Variants in SIPA1L1 observed in about 807,000 individuals in gnomAD.
SIPA1L1 encodes signal-induced proliferation-associated 1-like protein 1.
A neutral mutation model predicts 162.7 loss-of-function variants in SIPA1L1; 26 were observed. That is an observed-to-expected ratio of 0.16 (90% CI 0.12 to 0.22). The LOEUF (loss-of-function observed/expected upper bound fraction) is 0.22. Ranked by LOEUF, SIPA1L1 falls within the 10% of genes least tolerant of loss-of-function variation. The probability of loss-of-function intolerance (pLI) is 1.00; values close to 1 mark genes in which losing one functional copy is unlikely to be tolerated. For synonymous variants in SIPA1L1, 829 were observed against 837.4 expected (o/e 0.99, Z 0.17); for missense variants, 1,874 against 2,241.0 (o/e 0.84, Z 3.31).
chr14:71,511,174 T>C (rs2051116119), intron 2 of SIPA1L1, among the ~76,000 whole-genome samples: 1 of 152,220 alleles, frequency 6.6e-6, no homozygotes, highest in South Asian at 2.1e-4. Flanking sequence ...CCATGTTGCC[T>C]AGTGTGACAT....
chr14:71,574,679 A>G (rs1339566823), intron 4 of SIPA1L1: 1 of 144,352 alleles, frequency 6.9e-6, no homozygotes, highest in Non-Finnish European at 1.5e-5. Flanking sequence ...GATTTATTTT[A>G]CTTTGTCACA....
chr14:71,578,301 C>G (rs1366975668), intron 4 of SIPA1L1, among the ~76,000 whole-genome samples: 1 of 152,166 alleles, frequency 6.6e-6, no homozygotes, highest in African/African-American at 2.4e-5. Context: ...CTCCTGAGCT[C>G]AAGTGATCCT....
intron 2 of SIPA1L1, among the ~76,000 whole-genome samples, chr14:71,394,805 C>T (rs765213174): frequency 3.9e-5 from 6 of 152,136 alleles, no homozygotes; most frequent in East Asian, 1.9e-4. Context: ...CTACTGACTT[C>T]GCCTGATGGA....
chr14:71,716,074 A>G (rs1297658296), intron 17 of SIPA1L1, among the ~76,000 whole-genome samples: 1 of 152,116 alleles, frequency 6.6e-6, no homozygotes, highest in Non-Finnish European at 1.5e-5. Flanking sequence ...CCTTTTATAG[A>G]TGGACAATTT....
At chr14:71,559,420 T>C (rs886194153) in intron 4 of SIPA1L1, among the ~76,000 whole-genome samples, 2 of 152,194 alleles carry the variant, frequency 1.3e-5, no homozygotes, top group African/African-American at 2.4e-5. Flanking sequence ...TTCCAACTTT[T>C]CTTAATAATA....
rs2033568497 is a variant in SIPA1L1 at position 71,579,218 on chromosome 14, G to A, written c.-302-8353G>A. Among the ~76,000 whole-genome samples, 6 of 152,188 alleles carry A rather than the reference G, an allele frequency of 3.9e-5. No homozygotes were observed. In the South Asian group the frequency reaches 1.2e-3, roughly 32 times the overall value. ...TTAAGTAGATTTATGTATTTTCTAT[G>A]GTAGTAAATGATAAAATAGACTAAT... On this transcript the variant is annotated intron_variant, in intron 4 of 23. Coordinates refer to ENST00000381232, the MANE Select transcript of SIPA1L1 (RefSeq NM_001386936.1).
chr14:71,657,327 G>A (rs913777139), intron 8 of SIPA1L1, among the ~76,000 whole-genome samples: 5 of 135,748 alleles, frequency 3.7e-5, no homozygotes, highest in South Asian at 2.4e-4. Context: ...CAGCCTGGGC[G>A]ACAGAGTGAG....
At chr14:71,694,226 G>A (rs763174769) in intron 13 of SIPA1L1, among the ~76,000 whole-genome samples, 6 of 151,988 alleles carry the variant, frequency 3.9e-5, no homozygotes, top group Admixed American at 2.0e-4. Context: ...TTAGAAATCC[G>A]TGTGTGTGTG....
chr14:71,587,807 T>G lies in SIPA1L1; in HGVS notation c.-66T>G. 1 of 1,428,020 alleles carries G rather than the reference T, an allele frequency of 7.0e-7. No homozygotes were observed. Among genetic ancestry groups the G allele is most frequent in the Non-Finnish European group, 9.5e-7 (1 of 1,049,624 alleles). The allele number at this position is 1,428,020 out of a possible 1,614,324, so 88.5% of individuals were successfully genotyped here. A position where few individuals can be genotyped will look rare whatever the true frequency, so the allele number is the denominator to read the frequency against. Reference sequence around the variant, plus strand: ...TGGAAGCCATTCTCCAAAAGGGAAGTGCACATTTAAAACACAGATATGATG... The same window carrying G: ...TGGAAGCCATTCTCCAAAAGGGAAGGGCACATTTAAAACACAGATATGATG... On this transcript the variant is annotated 5_prime_UTR_variant, in exon 5 of 24. Coordinates refer to ENST00000381232, the MANE Select transcript of SIPA1L1 (RefSeq NM_001386936.1).
At chr14:71,720,669 TGTA>T (rs2083643950) in intron 17 of SIPA1L1, among the ~76,000 whole-genome samples, 2 of 152,278 alleles carry the variant, frequency 1.3e-5, no homozygotes, top group South Asian at 4.1e-4. Flanking sequence ...TGTATTTTCA[TGTA>T]GCCTGTCTTG....
At chr14:71,352,184 TTCTG>T (rs901792139) in intron 2 of SIPA1L1, among the ~76,000 whole-genome samples, 4 of 152,066 alleles carry the variant, frequency 2.6e-5, no homozygotes, top group South Asian at 2.1e-4. Context: ...GGGATGAATT[TTCTG>T]TCTTTTTCTT....
intron 13 of SIPA1L1, among the ~76,000 whole-genome samples, chr14:71,690,926 G>C (rs753340527): frequency 6.6e-6 from 1 of 152,194 alleles, no homozygotes; most frequent in Non-Finnish European, 1.5e-5. Context: ...ACATTCACAA[G>C]TTCAAGCTGA....
At chr14:71,706,306 T>C (rs568702517) in intron 16 of SIPA1L1, among the ~76,000 whole-genome samples, 2 of 152,288 alleles carry the variant, frequency 1.3e-5, no homozygotes, top group Non-Finnish European at 2.9e-5. Context: ...TCCCAATTGA[T>C]CTATAAATTT....
chr14:71,613,304 TCTGA>T (rs2038434295), intron 5 of SIPA1L1, among the ~76,000 whole-genome samples: 2 of 152,134 alleles, frequency 1.3e-5, no homozygotes, highest in South Asian at 4.1e-4. Context: ...ATATACTACT[TCTGA>T]CTAAGTGACT....
intron 8 of SIPA1L1, among the ~76,000 whole-genome samples, chr14:71,656,195 G>A (rs1206391528): frequency 6.6e-6 from 1 of 152,184 alleles, no homozygotes; most frequent in East Asian, 1.9e-4. Context: ...AATGAGACGT[G>A]GAGGACAGAG....
intron 2 of SIPA1L1, among the ~76,000 whole-genome samples, chr14:71,442,505 TTGAAA>T (rs1273691048): frequency 4.6e-5 from 7 of 152,220 alleles, no homozygotes; most frequent in African/African-American, 1.7e-4. Context: ...GAAGAGAAAG[TTGAAA>T]TAAATGGAGA....
At position 71,739,064 on chromosome 14, in the gene SIPA1L1, G is replaced by A. The variant is rs1448517583; in HGVS notation, c.5255G>A (p.Arg1752Gln). 1.9e-6 allele frequency: 3 copies of A among 1,614,116 alleles called. No individual in the cohort carries two copies. The highest frequency in any genetic ancestry group is 1.6e-4 in the Middle Eastern group (1 of 6,062). Residue 1752 changes from arginine to glutamine, a missense_variant, in exon 24 of 24, where the codon CGA becomes CAA. Arg to Gln is a conservative substitution (Grantham distance 43). Coordinates refer to ENST00000381232, the MANE Select transcript of SIPA1L1 (RefSeq NM_001386936.1). ...AHLQAEVQHL[R>Q]EDNLRLQEES... ...CTTCAGGCGGAGGTGCAGCACCTGC[G>A]AGAGGACAACCTGAGGCTACAGGAG...
chr14:71,696,003 G>C (rs1315210173), intron 13 of SIPA1L1, among the ~76,000 whole-genome samples: 1 of 152,064 alleles, frequency 6.6e-6, no homozygotes, highest in Admixed American at 6.6e-5. Flanking sequence ...TGTCTCAGTG[G>C]AAAAGAGTAA....
At chr14:71,416,519 G>C (rs938910926) in intron 2 of SIPA1L1, among the ~76,000 whole-genome samples, 2 of 151,974 alleles carry the variant, frequency 1.3e-5, no homozygotes, top group Non-Finnish European at 2.9e-5. Context: ...TAATAGGTCA[G>C]GTGGGAGATT....
Sources: gnomAD v4.1 joint callset for allele counts (sites outside exome capture counted in the v4.1 genomes callset) on GRCh38, gnomAD v4.1.1 for gene constraint, MANE v1.5 for transcripts, NCBI Gene and HGNC (gene_info 2026-07-23, HGNC 2026-07-21) for gene names.